The following RAB5A variants were observed in gnomAD, a reference collection of about 807,000 sequenced individuals.
The protein encoded by RAB5A is ras-related protein Rab-5A.
In RAB5A, 8 loss-of-function variants were observed where a neutral mutation model predicts 25.7. That is an observed-to-expected ratio of 0.31 (90% CI 0.18 to 0.56). The LOEUF is 0.56. Ranked by LOEUF, RAB5A falls within the 20% of genes least tolerant of loss-of-function variation. The pLI is 0.91. For missense variants in RAB5A, 192 were observed against 259.7 expected, an observed-to-expected ratio of 0.74 and a Z score of 1.79; for synonymous variants, 98 against 89.8, an observed-to-expected ratio of 1.09 and a Z score of -0.52.
intron 2 of RAB5A, among the ~76,000 whole-genome samples, chr3:19,953,406 T>C (rs1016774621): frequency 4.1e-5 from 6 of 146,676 alleles, no homozygotes; most frequent in African/African-American, 1.5e-4. Context: ...AAATTTCTGT[T>C]AATCCTTTTT....
At chr3:19,961,238 C>T (rs1196482067) in intron 2 of RAB5A, among the ~76,000 whole-genome samples, 1 of 152,138 alleles carries the variant, frequency 6.6e-6, no homozygotes, top group African/African-American at 2.4e-5. Flanking sequence ...TGGGAAGGTA[C>T]TAATTTTATA....
intron 2 of RAB5A, among the ~76,000 whole-genome samples, chr3:19,973,941 A>G (rs1696786833): frequency 6.6e-6 from 1 of 152,170 alleles, no homozygotes. Flanking sequence ...TTAGAGAAAT[A>G]TATCATAATT....
At chr3:19,963,117 G>C (rs900603652) in intron 2 of RAB5A, among the ~76,000 whole-genome samples, 4 of 152,064 alleles carry the variant, frequency 2.6e-5, no homozygotes, top group African/African-American at 9.7e-5. Context: ...CCTGTGTTTA[G>C]TTTTTCTGTG....
intron 2 of RAB5A, among the ~76,000 whole-genome samples, chr3:19,972,305 T>C (rs1038845559): frequency 6.6e-6 from 1 of 152,178 alleles, no homozygotes; most frequent in African/African-American, 2.4e-5. Context: ...CATTCCTGGT[T>C]CCAAGCATTT....
In RAB5A at chr3:19,983,934, T is replaced by C; in HGVS notation, c.*111T>C. 1.4e-6 allele frequency: 1 copy of C among 719,122 alleles called. No individual in the cohort carries two copies. The highest frequency in any genetic ancestry group is 2.3e-6 in the Non-Finnish European group (1 of 427,296). The allele number at this position is 719,122 out of a possible 1,614,324, so 44.5% of individuals were successfully genotyped here. On this transcript the variant is annotated 3_prime_UTR_variant, in exon 6 of 6. Coordinates refer to ENST00000273047, the MANE Select transcript of RAB5A (RefSeq NM_004162.5). ...GACTTCCAAAAGAAGAGACTTATGATAGAGTCAAGTTTCTAATACAGAATT... is the reference window on the plus strand; with the variant it reads ...GACTTCCAAAAGAAGAGACTTATGACAGAGTCAAGTTTCTAATACAGAATT...
At chr3:19,951,606 G>C (rs1219404809) in intron 2 of RAB5A, among the ~76,000 whole-genome samples, 1 of 151,638 alleles carries the variant, frequency 6.6e-6, no homozygotes, top group East Asian at 1.9e-4. Flanking sequence ...GCTCACTGCA[G>C]ACTGCAGCCT....
intron 5 of RAB5A, chr3:19,978,676 T>C: frequency 4.2e-6 from 1 of 236,942 alleles, no homozygotes. Flanking sequence ...GAGTTAAGCC[T>C]TAACCTCTTA....
chr3:19,958,737 A>T (rs1435997213), intron 2 of RAB5A, among the ~76,000 whole-genome samples: 1 of 152,124 alleles, frequency 6.6e-6, no homozygotes, highest in Non-Finnish European at 1.5e-5. Context: ...CCAGCTATTG[A>T]GGCATTAGAA....
rs565787512 is a variant in RAB5A, at chr3:19,977,106, C to G, written c.438+937C>G. On this transcript the variant is annotated intron_variant, in intron 4 of 5. Transcript: ENST00000273047. ...TTTTTTTTTAAGATGGAGTCTTGCT[C>G]AGTTGCCCAGGCTGGAGTGCAGTGG... Among the ~76,000 whole-genome samples the G allele has an allele frequency of 3.5e-4, 52 of 150,174 alleles. 1 individual carries two copies. Among genetic ancestry groups the G allele is most frequent in the African/African-American group, 1.2e-3 (49 of 40,848 alleles).
chr3:19,953,352 A>G (rs1045300287), intron 2 of RAB5A, among the ~76,000 whole-genome samples: 5 of 151,052 alleles, frequency 3.3e-5, no homozygotes, highest in Admixed American at 6.6e-5. Context: ...TTTCATTTCT[A>G]TGTGTAGAGC....
In RAB5A at chr3:19,975,695, A is replaced by G; in HGVS notation, c.258A>G (p.Ala86=). The G allele has an allele frequency of 6.2e-7, 1 of 1,613,906 alleles. No homozygotes were observed. Among genetic ancestry groups the G allele is most frequent in the Non-Finnish European group, 8.5e-7 (1 of 1,179,820 alleles). The change falls in exon 3 of 6, where the codon GCA becomes GCG. Residue 86 remains alanine, a synonymous_variant. Coordinates refer to ENST00000273047, the MANE Select transcript of RAB5A (RefSeq NM_004162.5). Reference sequence around the variant, plus strand: ...GTCAAGAACGATACCATAGCCTAGCACCAATGTACTACAGAGGAGCACAAG... The same window carrying G: ...GTCAAGAACGATACCATAGCCTAGCGCCAATGTACTACAGAGGAGCACAAG... The part of the protein sequence containing the change: ...TAGQERYHSL[A]PMYYRGAQAA...
chr3:19,956,102 C>T (rs556090646), intron 2 of RAB5A, among the ~76,000 whole-genome samples: 1 of 152,274 alleles, frequency 6.6e-6, no homozygotes, highest in East Asian at 1.9e-4. Context: ...AGTTTTCAGT[C>T]ATCTGTACCA....
chr3:19,957,349 A>G (rs185955159), intron 2 of RAB5A, among the ~76,000 whole-genome samples: 7 of 152,250 alleles, frequency 4.6e-5, no homozygotes, highest in African/African-American at 1.7e-4. Flanking sequence ...GAAAACTGCT[A>G]AATTCTTAAA....
chr3:19,965,605 T>G (rs1277459615), intron 2 of RAB5A, among the ~76,000 whole-genome samples: 1 of 152,206 alleles, frequency 6.6e-6, no homozygotes, highest in Admixed American at 6.5e-5. Flanking sequence ...GAAATGCTAA[T>G]TTTTATTCTT....
chr3:19,969,171 A>G (rs769564305), intron 2 of RAB5A, among the ~76,000 whole-genome samples: 1 of 150,732 alleles, frequency 6.6e-6, no homozygotes, highest in Admixed American at 6.7e-5. Flanking sequence ...CAGCCTCCCA[A>G]GTAGCTGGGA....
At chr3:19,952,786 T>TTTGTTG (rs778331684) in intron 2 of RAB5A, among the ~76,000 whole-genome samples, 21 of 152,190 alleles carry the variant, frequency 1.4e-4, no homozygotes, top group African/African-American at 5.1e-4. Flanking sequence ...CACGTGTGAT[T>TTTGTTG]TTGTTGTTGT....
At position 19,978,716 on chromosome 3, in the gene RAB5A, A is replaced by G. The variant is rs866095104; in HGVS notation, c.532+313A>G. The G allele has an allele frequency of 6.9e-5, 13 of 189,350 alleles. No homozygotes were observed. In the South Asian group the frequency reaches 9.0e-4, roughly 13 times the overall value. 11.7% of individuals were successfully genotyped at this position (189,350 alleles called of 1,614,324 possible). A position where few individuals can be genotyped will look rare whatever the true frequency, so the allele number is the denominator to read the frequency against. ...GATAGTTCAGACAGACAGATTTTGC[A>G]AAGGTTTCGCTGGGAAATTTGGATA... is the stretch of plus-strand genomic sequence containing the variant. On this transcript the variant is annotated intron_variant, in intron 5 of 5. Coordinates refer to ENST00000273047, the MANE Select transcript of RAB5A (RefSeq NM_004162.5).
intron 2 of RAB5A, among the ~76,000 whole-genome samples, chr3:19,969,939 G>C (rs759833656): frequency 6.6e-6 from 1 of 152,118 alleles, no homozygotes; most frequent in Non-Finnish European, 1.5e-5. Flanking sequence ...GAGTAGCTGG[G>C]ATTACAGGCT....
intron 2 of RAB5A, 111 bp downstream of exon 2, chr3:19,951,172 G>T: frequency 8.1e-7 from 1 of 1,240,892 alleles, no homozygotes. Context: ...ATAGAGTGAA[G>T]AAAAGAGCTG....
Sources: gnomAD v4.1 joint callset for allele counts (sites outside exome capture counted in the v4.1 genomes callset) on GRCh38, gnomAD v4.1.1 for gene constraint, MANE v1.5 for transcripts, NCBI Gene and HGNC (gene_info 2026-07-23, HGNC 2026-07-21) for gene names.